KCNQ1: variants seen among roughly 807,000 people sequenced by gnomAD.
KCNQ1 encodes potassium voltage-gated channel subfamily KQT member 1.
Under a neutral mutation model 72.4 loss-of-function variants are expected in KCNQ1, and 49 were observed. That is an observed-to-expected ratio of 0.68 (90% confidence interval 0.54 to 0.86). KCNQ1 has a LOEUF of 0.86. KCNQ1 is among the 40% of genes least tolerant of loss of function. KCNQ1 has a pLI of 0.00. For synonymous variants in KCNQ1, 450 were observed against 412.6 expected (o/e 1.09, Z -1.10); for missense variants, 790 against 945.1 (o/e 0.84, Z 2.15).
chr11:2,833,652 G>A (rs1590118490), intron 15 of KCNQ1, among the ~76,000 whole-genome samples: 1 of 152,236 alleles, frequency 6.6e-6, no homozygotes, highest in African/African-American at 2.4e-5. Flanking sequence ...GTCTTGCAGA[G>A]GCAAAATGGA....
chr11:2,807,235 C>T (rs533903706), intron 15 of KCNQ1, among the ~76,000 whole-genome samples: 40 of 152,354 alleles, frequency 2.6e-4, no homozygotes, highest in African/African-American at 9.6e-4. Context: ...CAAGCCGCAG[C>T]GACGCCTCGA....
At chr11:2,729,997 G>A (rs1385362677) in intron 11 of KCNQ1, among the ~76,000 whole-genome samples, 2 of 152,202 alleles carry the variant, frequency 1.3e-5, no homozygotes, top group African/African-American at 4.8e-5. Context: ...AGTGGGGATG[G>A]GCCCACAGGC....
rs1849912669 is a variant in KCNQ1, at chr11:2,659,516, A to G, written c.1394-2445A>G. Reference sequence around the variant, plus strand: ...TTTATGCATTCACCTGTTGAAGGACATCTTCATTGTTTCCAGTATTTGGTA... The same window carrying G: ...TTTATGCATTCACCTGTTGAAGGACGTCTTCATTGTTTCCAGTATTTGGTA... On this transcript the variant is annotated intron_variant, in intron 10 of 15. Transcript: ENST00000155840. The surrounding 1 kb of genome is among the most constrained non-coding windows in gnomAD (Gnocchi z 4.3). 1 of 398,594 alleles carries G rather than the reference A, an allele frequency of 2.5e-6. No homozygotes were observed. The highest frequency in any genetic ancestry group is 3.6e-5 in the East Asian group (1 of 28,052). The allele number at this position is 398,594 out of a possible 1,614,324, so 24.7% of individuals were successfully genotyped here.
Position 2,703,455 on chromosome 11 carries a change from C to G in KCNQ1, c.1514+41374C>G, listed in dbSNP as rs540142807. Among the ~76,000 whole-genome samples the G allele has an allele frequency of 4.6e-5, 7 of 152,186 alleles. No individual in the cohort carries two copies. Among genetic ancestry groups the G allele is most frequent in the Non-Finnish European group, 7.3e-5 (5 of 68,042 alleles). On this transcript the variant is annotated intron_variant, in intron 11 of 15. Coordinates refer to ENST00000155840, the MANE Select transcript of KCNQ1 (RefSeq NM_000218.3). The surrounding 1 kb of genome is among the most constrained non-coding windows in gnomAD (Gnocchi z 6.4). ...CCCTCCAGCTTTACTCTTTGGGGTT[C>G]AAAAGGTTCCCTTGCAAGCCTGTGC...
rs1159434283 is a variant in KCNQ1 at position 2,691,282 on chromosome 11, G to C, written c.1514+29201G>C. 5.0e-6 allele frequency: 2 copies of C among 398,476 alleles called. No individual in the cohort carries two copies. Among genetic ancestry groups the C allele is most frequent in the Non-Finnish European group, 8.8e-6 (2 of 226,080 alleles). The allele number at this position is 398,476 out of a possible 1,614,324, so 24.7% of individuals were successfully genotyped here. On this transcript the variant is annotated intron_variant, in intron 11 of 15. Transcript: ENST00000155840. This position sits in a 1 kb window ranked among gnomAD's most constrained non-coding sequence, Gnocchi z 6.4. ...GCTGTTTGAGCCACTAATCAGGAAG[G>C]AGAGCTGACAAGAAAAAGGCGATGT...
chr11:2,696,268 T>C (rs1850674375), intron 11 of KCNQ1: 1 of 398,674 alleles, frequency 2.5e-6, no homozygotes, highest in Non-Finnish European at 4.4e-6. Flanking sequence ...ATTTAGTCCA[T>C]TTGGAGTCTA....
intron 10 of KCNQ1, chr11:2,640,441 A>G (rs1849555264): frequency 2.5e-6 from 1 of 398,438 alleles, no homozygotes; most frequent in African/African-American, 2.1e-5. Context: ...ATGCACCACC[A>G]TGCCTGGATA....
intron 10 of KCNQ1, chr11:2,632,973 G>GT: frequency 5.0e-6 from 2 of 398,308 alleles, no homozygotes; most frequent in Non-Finnish European, 8.9e-6. Flanking sequence ...TCTACTTTTA[G>GT]TTTTTTTGAC....
At chr11:2,777,901 C>A in intron 14 of KCNQ1, 75 bp from the exon 15 acceptor site, 1 of 1,332,422 alleles carries the variant, frequency 7.5e-7, no homozygotes, top group Non-Finnish European at 1.1e-6. Context: ...CCTACCACCC[C>A]ACTTCCCAAG....
chr11:2,785,386 G>C lies in KCNQ1; in HGVS notation c.1794+7349G>C, dbSNP rs1846891747. On this transcript the variant is annotated intron_variant, in intron 15 of 15. Transcript: ENST00000155840. This position sits in a 1 kb window ranked among gnomAD's most constrained non-coding sequence, Gnocchi z 4.4. ...TTTTATATGATGCTGGATTTGGTTTGCTAATATTTTGTTAAGAATGTTTGT... is the reference window on the plus strand; with the variant it reads ...TTTTATATGATGCTGGATTTGGTTTCCTAATATTTTGTTAAGAATGTTTGT... Among the ~76,000 whole-genome samples, 1 of 151,514 alleles carries C rather than the reference G, an allele frequency of 6.6e-6. No individual in the cohort carries two copies. Among genetic ancestry groups the C allele is most frequent in the Middle Eastern group, 3.2e-3 (1 of 316 alleles).
Position 2,498,676 on chromosome 11 carries a change from C to T in KCNQ1, c.387-29252C>T, listed in dbSNP as rs1846959566. 6.6e-6 allele frequency among the ~76,000 whole-genome samples: 1 copy of T among 152,238 alleles called. No homozygotes were observed. On this transcript the variant is annotated intron_variant, in intron 1 of 15. Transcript: ENST00000155840. The surrounding 1 kb of genome is among the most constrained non-coding windows in gnomAD (Gnocchi z 4.8). ...CACTTGGCTTCCTGGCCTCAGCCCC[C>T]TTTCCAGGGGAGTAAATGATTCTGT...
rs1850180447 is a variant in KCNQ1, at chr11:2,671,327, C to CA, written c.1514+9247dup. On this transcript the variant is annotated intron_variant, in intron 11 of 15. Transcript: ENST00000155840. The surrounding 1 kb of genome is among the most constrained non-coding windows in gnomAD (Gnocchi z 4.7). ...CTTTTCCCATGTGTGGCTGCAGCCT[C>CA]AGAGGCTCCCTCTGAAGATGACACT... The CA allele has an allele frequency of 2.5e-6, 1 of 398,492 alleles. No individual in the cohort carries two copies. The highest frequency in any genetic ancestry group is 4.4e-6 in the Non-Finnish European group (1 of 226,062). The allele number at this position is 398,492 out of a possible 1,614,324, so 24.7% of individuals were successfully genotyped here.
Position 2,599,303 on chromosome 11 carries a change from T to C in KCNQ1, c.1393+10449T>C, listed in dbSNP as rs183782163. 6.6e-6 allele frequency among the ~76,000 whole-genome samples: 1 copy of C among 152,338 alleles called. No individual in the cohort carries two copies. Among genetic ancestry groups the C allele is most frequent in the East Asian group, 1.9e-4 (1 of 5,190 alleles). The stretch of plus-strand genomic sequence containing the variant: ...ATCTTGTTTTTCTCAATCAGTAAAA[T>C]AGTAAAAATGCCTCTAAGGCTGCTG... On this transcript the variant is annotated intron_variant, in intron 10 of 15. Transcript: ENST00000155840. This position sits in a 1 kb window ranked among gnomAD's most constrained non-coding sequence, Gnocchi z 4.7.
intron 15 of KCNQ1, among the ~76,000 whole-genome samples, chr11:2,788,133 CAT>C (rs924081601): frequency 3.2e-4 from 49 of 152,266 alleles, no homozygotes; most frequent in African/African-American, 1.1e-3. Flanking sequence ...GTTGCCATCT[CAT>C]GGCCCCAGCG....
At chr11:2,470,525 C>A (rs971062269) in intron 1 of KCNQ1, among the ~76,000 whole-genome samples, 1 of 152,012 alleles carries the variant, frequency 6.6e-6, no homozygotes, top group Non-Finnish European at 1.5e-5. Flanking sequence ...GGAAGACAAG[C>A]CGGCGTCTTA....
At chr11:2,540,004 G>A (rs1044815681) in intron 2 of KCNQ1, among the ~76,000 whole-genome samples, 4 of 152,204 alleles carry the variant, frequency 2.6e-5, no homozygotes, top group Non-Finnish European at 5.9e-5. Context: ...CAGGCCGGGC[G>A]CAGGCAGGCT....
chr11:2,455,529 A>G (rs1846179440), intron 1 of KCNQ1, among the ~76,000 whole-genome samples: 1 of 152,252 alleles, frequency 6.6e-6, no homozygotes, highest in South Asian at 2.1e-4. Flanking sequence ...AAAGATCTCT[A>G]CACAAGAGTT....
chr11:2,672,308 G>T, intron 11 of KCNQ1: 1 of 398,548 alleles, frequency 2.5e-6, no homozygotes, highest in Non-Finnish European at 4.4e-6. Context: ...GCTCCAGGTG[G>T]GAGCTCAAGG....
chr11:2,504,919 CACAAAAA>C (rs1334203204), intron 1 of KCNQ1, among the ~76,000 whole-genome samples: 1 of 152,060 alleles, frequency 6.6e-6, no homozygotes, highest in Non-Finnish European at 1.5e-5. Context: ...ACTATGTACC[CACAAAAA>C]GCAAAAAGAA....
Sources: allele counts gnomAD v4.1 joint callset (sites outside exome capture counted in the v4.1 genomes callset), GRCh38; gene constraint gnomAD v4.1.1; non-coding constraint Gnocchi (gnomAD v3.1); transcripts MANE v1.5; gene names NCBI Gene and HGNC (gene_info 2026-07-23, HGNC 2026-07-21).